CLASP2: variants seen among roughly 807,000 people sequenced by gnomAD.
CLASP2 encodes the protein CLIP-associating protein 2.
In CLASP2, 47 loss-of-function variants were observed where a neutral mutation model predicts 194.4. The ratio of observed to expected loss-of-function variants is 0.24; its 90% CI spans 0.19 to 0.31. The LOEUF is 0.31. Among genes scored for constraint, CLASP2 ranks in the 10% least tolerant of loss-of-function variants. CLASP2 has a pLI of 1.00. For missense variants in CLASP2, 1,445 were observed against 1,823.6 expected, an observed-to-expected ratio of 0.79 and a Z score of 3.78; for synonymous variants, 619 against 633.5, an observed-to-expected ratio of 0.98 and a Z score of 0.34.
Position 33,535,279 on chromosome 3 carries a change from G to A in CLASP2, c.3741C>T (p.Ala1247=). The change falls in exon 34 of 39, where the codon GCC becomes GCT. Residue 1247 remains alanine (A), a synonymous_variant. Transcript: ENST00000682230. The part of the protein sequence containing the change: ...SDSISPFNKS[A]LKEAMFDDDA... ...CATCATCAAACATGGCTTCCTTGAGGGCAGACTTGTTGAAGGGACTGATGC... is the reference window on the plus strand; with the variant it reads ...CATCATCAAACATGGCTTCCTTGAGAGCAGACTTGTTGAAGGGACTGATGC... 1 of 1,613,930 alleles carries A rather than the reference G, an allele frequency of 6.2e-7. No individual in the cohort carries two copies. The highest frequency in any genetic ancestry group is 8.5e-7 in the Non-Finnish European group (1 of 1,179,856).
In CLASP2 at chr3:33,580,470, G is replaced by A. The variant is rs181864532; in HGVS notation, c.2347+1351C>T. Among the ~76,000 whole-genome samples, 271 of 152,200 alleles carry A rather than the reference G, an allele frequency of 1.8e-3. 1 individual carries two copies. The highest frequency in any genetic ancestry group is 6.0e-3 in the African/African-American group (251 of 41,534). ...CCCAGCTACTCAGGAGGCTGAGGCA[G>A]GAGAATCGATTGAACCTGGAAGGTG... On this transcript the variant is annotated intron_variant, in intron 23 of 38. Coordinates refer to ENST00000682230, the MANE Select transcript of CLASP2 (RefSeq NM_001365631.1).
At chr3:33,528,884 T>A (rs186485611) in intron 34 of CLASP2, among the ~76,000 whole-genome samples, 5 of 152,244 alleles carry the variant, frequency 3.3e-5, no homozygotes, top group Non-Finnish European at 7.4e-5. Context: ...AGTCAAACTA[T>A]CTCTGTTTGC....
At chr3:33,520,916 A>G (rs1224896178) in intron 34 of CLASP2, among the ~76,000 whole-genome samples, 1 of 151,898 alleles carries the variant, frequency 6.6e-6, no homozygotes, top group African/African-American at 2.4e-5. Flanking sequence ...TATCACTAAC[A>G]GTGAGTACAT....
intron 10 of CLASP2, 139 bp from the exon 11 acceptor site, chr3:33,622,419 A>T (rs1221887300): frequency 7.7e-6 from 4 of 521,066 alleles, no homozygotes; most frequent in Non-Finnish European, 1.2e-5. Context: ...ATATTCAGAC[A>T]TCTTAGTAGC....
chr3:33,630,278 A>G (rs962734758), intron 9 of CLASP2, among the ~76,000 whole-genome samples: 2 of 152,308 alleles, frequency 1.3e-5, no homozygotes, highest in South Asian at 4.1e-4. Flanking sequence ...TTCCTATTTT[A>G]AGATGAGGAA....
intron 12 of CLASP2, among the ~76,000 whole-genome samples, chr3:33,615,729 GAC>G (rs1277170537): frequency 6.6e-6 from 1 of 151,882 alleles, no homozygotes; most frequent in East Asian, 1.9e-4. Context: ...AAAATTTCAA[GAC>G]ATTCACTAAA....
intron 6 of CLASP2, among the ~76,000 whole-genome samples, chr3:33,674,848 A>C (rs1178997702): frequency 6.6e-6 from 1 of 152,208 alleles, no homozygotes; most frequent in African/African-American, 2.4e-5. Flanking sequence ...AGAAATGGAT[A>C]AATTCCTGGA....
chr3:33,673,528 C>A (rs1429169042), intron 6 of CLASP2, among the ~76,000 whole-genome samples: 4 of 152,232 alleles, frequency 2.6e-5, no homozygotes, highest in Admixed American at 2.6e-4. Context: ...GAAGAAACTG[C>A]ATCAACTAAC....
intron 21 of CLASP2, chr3:33,592,136 A>C: frequency 1.4e-6 from 1 of 697,732 alleles, no homozygotes; most frequent in Non-Finnish European, 2.6e-6. Context: ...CTAATAAAAC[A>C]CCAAAGACAA....
chr3:33,611,020 C>G (rs780570749), intron 13 of CLASP2, among the ~76,000 whole-genome samples: 6 of 152,122 alleles, frequency 3.9e-5, no homozygotes, highest in Admixed American at 1.3e-4. Context: ...TTGTCAGAAT[C>G]AAAATGAAGT....
intron 1 of CLASP2, among the ~76,000 whole-genome samples, chr3:33,716,835 T>C (rs1410318001): frequency 6.6e-6 from 1 of 152,242 alleles, no homozygotes; most frequent in African/African-American, 2.4e-5. Context: ...TTCTAGAGTT[T>C]GTCTTTCTTC....
chr3:33,709,004 A>C (rs938385893), intron 1 of CLASP2, among the ~76,000 whole-genome samples: 1 of 152,194 alleles, frequency 6.6e-6, no homozygotes, highest in African/African-American at 2.4e-5. Context: ...TTTGGATATT[A>C]AACCCTTATC....
chr3:33,535,812 C>T (rs1290137247), intron 33 of CLASP2, among the ~76,000 whole-genome samples: 5 of 150,760 alleles, frequency 3.3e-5, no homozygotes, highest in African/African-American at 1.2e-4. Flanking sequence ...CTTTCATAAG[C>T]AATACAGTAC....
chr3:33,556,862 A>G (rs1475576925), intron 29 of CLASP2, among the ~76,000 whole-genome samples: 3 of 152,174 alleles, frequency 2.0e-5, no homozygotes. Context: ...ATGTTTTCTA[A>G]TAGGAAAGTT....
chr3:33,710,935 A>G (rs1439800349), intron 1 of CLASP2, among the ~76,000 whole-genome samples: 1 of 152,240 alleles, frequency 6.6e-6, no homozygotes, highest in African/African-American at 2.4e-5. Flanking sequence ...CTCCATCTCA[A>G]AAAAGAAATT....
chr3:33,501,545 C>G, intron 38 of CLASP2, 107 bp downstream of exon 38: 1 of 665,814 alleles, frequency 1.5e-6, no homozygotes, highest in Non-Finnish European at 2.7e-6. Context: ...ATGCTCAAAG[C>G]CTGACTTATT....
chr3:33,717,155 TC>T, intron 1 of CLASP2, among the ~76,000 whole-genome samples: 1 of 152,344 alleles, frequency 6.6e-6, no homozygotes, highest in South Asian at 2.1e-4. Context: ...CTAAGACACA[TC>T]AACCTAAAAT....
chr3:33,514,285 C>A (rs986451369), intron 36 of CLASP2, among the ~76,000 whole-genome samples: 2 of 149,948 alleles, frequency 1.3e-5, no homozygotes, highest in Non-Finnish European at 3.0e-5. Flanking sequence ...CCATGCCCAG[C>A]CAATTTTTTT....
At chr3:33,648,618 T>C (rs1010216236) in intron 7 of CLASP2, among the ~76,000 whole-genome samples, 2 of 152,218 alleles carry the variant, frequency 1.3e-5, no homozygotes, top group African/African-American at 4.8e-5. Flanking sequence ...ATAAAACTAA[T>C]TCATTATCAC....
Sources: gnomAD v4.1 joint callset for allele counts (sites outside exome capture counted in the v4.1 genomes callset) on GRCh38, gnomAD v4.1.1 for gene constraint, MANE v1.5 for transcripts, NCBI Gene and HGNC (gene_info 2026-07-23, HGNC 2026-07-21) for gene names.